The following EYS variants were observed in gnomAD, a reference collection of about 807,000 sequenced individuals.
The protein encoded by EYS is EGF-like photoreceptor maintenance factor.
Under a neutral mutation model 282.1 loss-of-function variants are expected in EYS, and 250 were observed. That is an observed-to-expected ratio of 0.89 (90% CI 0.80 to 0.98). EYS has a LOEUF of 0.98. Ranked by LOEUF, EYS falls within the 50% of genes least tolerant of loss-of-function variation. The pLI, the probability that EYS is intolerant of heterozygous loss-of-function variation, is 0.00. For synonymous variants in EYS, 1,355 were observed against 1,282.9 expected (o/e 1.06, Z -1.20); for missense variants, 4,016 against 3,709.0 (o/e 1.08, Z -2.15).
chr6:64,045,437 A>ATTTTAT (rs1554201573), intron 33 of EYS, among the ~76,000 whole-genome samples: 1 of 108,220 alleles, frequency 9.2e-6, no homozygotes, highest in African/African-American at 4.6e-5. Flanking sequence ...ATTTTATTTT[A>ATTTTAT]TTTATTTTAT....
At chr6:65,234,689 A>G (rs1766879734) in intron 12 of EYS, among the ~76,000 whole-genome samples, 1 of 152,210 alleles carries the variant, frequency 6.6e-6, no homozygotes, top group Non-Finnish European at 1.5e-5. Flanking sequence ...TAACAGATAG[A>G]TATTAAAAAG....
chr6:65,503,642 A>G (rs1766542163), intron 2 of EYS, among the ~76,000 whole-genome samples: 1 of 151,646 alleles, frequency 6.6e-6, no homozygotes, highest in Admixed American at 6.6e-5. Flanking sequence ...GTAAGTTGTA[A>G]ATTCAATGCC....
chr6:64,822,605 G>T (rs996258592), intron 20 of EYS, 46 bp downstream of exon 20: 6 of 1,389,938 alleles, frequency 4.3e-6, no homozygotes, highest in Non-Finnish European at 4.9e-6. Flanking sequence ...TAAATATTGT[G>T]AGTTAAATAT....
At chr6:65,174,174 T>A (rs569316356) in intron 12 of EYS, among the ~76,000 whole-genome samples, 18 of 151,406 alleles carry the variant, frequency 1.2e-4, no homozygotes, top group African/African-American at 4.3e-4. Context: ...TTACACAGCT[T>A]ATAATGACCA....
chr6:64,844,253 C>T (rs903745598), intron 19 of EYS, among the ~76,000 whole-genome samples: 2 of 151,842 alleles, frequency 1.3e-5, no homozygotes, highest in South Asian at 2.1e-4. Context: ...TTGTGTATAT[C>T]GTCGTTCTTA....
intron 35 of EYS, among the ~76,000 whole-genome samples, chr6:63,946,117 G>T (rs1318406433): frequency 6.6e-6 from 1 of 152,264 alleles, no homozygotes; most frequent in African/African-American, 2.4e-5. Context: ...CTCAAGCTCA[G>T]GGCTCTGACG....
At chr6:64,200,495 G>C (rs1209468916) in intron 31 of EYS, among the ~76,000 whole-genome samples, 2 of 152,094 alleles carry the variant, frequency 1.3e-5, no homozygotes, top group East Asian at 3.9e-4. Context: ...AAAAATTCAA[G>C]TATTGCATAC....
chr6:65,470,386 A>T (rs936801742), intron 5 of EYS, among the ~76,000 whole-genome samples: 1 of 152,142 alleles, frequency 6.6e-6, no homozygotes, highest in Non-Finnish European at 1.5e-5. Flanking sequence ...TGTAGCAAGT[A>T]CTCAATAAAT....
At chr6:63,722,157 A>G (rs1050031488) in intron 42 of EYS, among the ~76,000 whole-genome samples, 4 of 152,134 alleles carry the variant, frequency 2.6e-5, no homozygotes, top group African/African-American at 7.2e-5. Context: ...TTCTCTGCAC[A>G]TTCCTGGCTC....
chr6:65,396,920 A>T (rs964530161), intron 7 of EYS, among the ~76,000 whole-genome samples: 2 of 151,730 alleles, frequency 1.3e-5, no homozygotes, highest in Non-Finnish European at 2.9e-5. Flanking sequence ...TGTGCCCTAT[A>T]TCCCAACCCA....
chr6:64,722,276 T>C (rs1771610050), intron 22 of EYS, among the ~76,000 whole-genome samples: 1 of 152,058 alleles, frequency 6.6e-6, no homozygotes, highest in South Asian at 2.1e-4. Context: ...AGAAAGAAGA[T>C]GGATCTGACA....
intron 5 of EYS, among the ~76,000 whole-genome samples, chr6:65,416,803 A>T (rs1767259009): frequency 6.6e-6 from 1 of 152,040 alleles, no homozygotes; most frequent in African/African-American, 2.4e-5. Context: ...AGGATAGGCA[A>T]CACAAAGACA....
At chr6:63,984,304 G>T in intron 35 of EYS, 79 bp downstream of exon 35, 1 of 1,011,600 alleles carries the variant, frequency 9.9e-7, no homozygotes, top group Non-Finnish European at 1.5e-6. Flanking sequence ...TCTCTCAGAG[G>T]ACAATACTGC....
intron 12 of EYS, among the ~76,000 whole-genome samples, chr6:65,173,224 C>T (rs1250885332): frequency 6.6e-6 from 1 of 151,194 alleles, no homozygotes; most frequent in Non-Finnish European, 1.5e-5. Flanking sequence ...TATTAAACTT[C>T]AGTGGTTTTT....
At chr6:65,064,849 C>T (rs942446676) in intron 12 of EYS, among the ~76,000 whole-genome samples, 1 of 151,984 alleles carries the variant, frequency 6.6e-6, no homozygotes, top group East Asian at 1.9e-4. Flanking sequence ...ATTGTATATG[C>T]AAACCTTGGA....
chr6:64,432,215 C>T (rs1324445224), intron 28 of EYS, among the ~76,000 whole-genome samples: 1 of 152,018 alleles, frequency 6.6e-6, no homozygotes, highest in Non-Finnish European at 1.5e-5. Context: ...TTAGAACTGA[C>T]AGAGTGTTTG....
At chr6:64,062,691 CAA>C (rs1023609648) in intron 33 of EYS, among the ~76,000 whole-genome samples, 10 of 58,976 alleles carry the variant, frequency 1.7e-4, no homozygotes, top group African/African-American at 2.2e-4. Flanking sequence ...AACTCCAACT[CAA>C]AAAAAAAAAA....
intron 2 of EYS, among the ~76,000 whole-genome samples, chr6:65,582,763 T>C (rs914577265): frequency 6.6e-6 from 1 of 152,170 alleles, no homozygotes; most frequent in African/African-American, 2.4e-5. Context: ...TTTGGAATAC[T>C]CCTGTACAAA....
rs554731177 is a variant in EYS at position 65,350,864 on chromosome 6, G to A, written c.1459+2594C>T. 9.9e-5 allele frequency among the ~76,000 whole-genome samples: 15 copies of A among 151,724 alleles called. No homozygotes were observed. In the East Asian group the frequency reaches 1.9e-3, roughly 20 times the overall value. On this transcript the variant is annotated intron_variant, in intron 9 of 42. Coordinates refer to ENST00000503581, the MANE Select transcript of EYS (RefSeq NM_001142800.2). ...TCATATTGGCAAGAATTGATTGGGC[G>A]TGTAAGACACTTAATTTAGTTGTTA...
Sources: gnomAD v4.1 joint callset for allele counts (sites outside exome capture counted in the v4.1 genomes callset) on GRCh38, gnomAD v4.1.1 for gene constraint, MANE v1.5 for transcripts, NCBI Gene and HGNC (gene_info 2026-07-23, HGNC 2026-07-21) for gene names.